The following COL6A3 variants were observed in gnomAD, a reference collection of about 807,000 sequenced individuals.
COL6A3 encodes the protein collagen alpha-3(VI) chain.
A neutral mutation model predicts 274.1 loss-of-function variants in COL6A3; 137 were observed. The ratio of observed to expected loss-of-function variants is 0.50; its 90% CI spans 0.44 to 0.58. COL6A3 has a LOEUF of 0.58. Among genes scored for constraint, COL6A3 ranks in the 20% least tolerant of loss-of-function variants. COL6A3 has a pLI of 0.00. For missense variants in COL6A3, 3,950 were observed against 4,124.9 expected (o/e 0.96, Z 1.16); for synonymous variants, 1,650 against 1,650.6 (o/e 1.00, Z 0.01).
intron 39 of COL6A3, among the ~76,000 whole-genome samples, chr2:237,337,212 G>A (rs538799048): frequency 6.6e-6 from 1 of 152,236 alleles, no homozygotes; most frequent in Non-Finnish European, 1.5e-5. Context: ...GTCCTAGGAA[G>A]TATTAATATA....
intron 31 of COL6A3, 25 bp from the exon 32 acceptor site, chr2:237,346,590 T>C: frequency 6.2e-7 from 1 of 1,605,506 alleles, no homozygotes; most frequent in East Asian, 2.2e-5. Flanking sequence ...ACAAACATTG[T>C]TCAACTGTGT....
Position 237,361,836 on chromosome 2 carries a change from C to G in COL6A3, c.6064-5G>C, listed in dbSNP as rs794729206. The G allele has an allele frequency of 1.9e-6, 3 of 1,613,584 alleles. No homozygotes were observed. The East Asian group carries it at 6.7e-5, about 36-fold the overall frequency. Reference sequence around the variant, plus strand: ...AGCTTTCTCGGCAATGTTGTCCTACCGAAAGGAAGAGAAACCAAATGTTCA... The same window carrying G: ...AGCTTTCTCGGCAATGTTGTCCTACGGAAAGGAAGAGAAACCAAATGTTCA... On this transcript the variant is annotated splice_polypyrimidine_tract_variant and splice_region_variant and intron_variant, in intron 14 of 43. Transcript: ENST00000295550. This position sits in a 1 kb window ranked among gnomAD's most constrained non-coding sequence, Gnocchi z 5.1.
chr2:237,385,030 G>A (rs2078110581), intron 4 of COL6A3, among the ~76,000 whole-genome samples: 1 of 151,980 alleles, frequency 6.6e-6, no homozygotes, highest in Non-Finnish European at 1.5e-5. Context: ...CCTGCTCTCC[G>A]CATGCTCATC....
intron 5 of COL6A3, 143 bp from the exon 6 acceptor site, chr2:237,379,378 T>C (rs751357184): frequency 4.1e-5 from 43 of 1,039,216 alleles, no homozygotes; most frequent in Non-Finnish European, 5.5e-5. Context: ...TTGTAAAATA[T>C]GGCAGATGGC....
chr2:237,336,656 TG>T, intron 39 of COL6A3, 124 bp from the exon 40 acceptor site: 1 of 898,942 alleles, frequency 1.1e-6, no homozygotes, highest in Non-Finnish European at 1.7e-6. Flanking sequence ...TTATAGATTA[TG>T]TATAGCAGTG....
At chr2:237,351,666 G>A (rs2077209049) in intron 26 of COL6A3, among the ~76,000 whole-genome samples, 1 of 152,204 alleles carries the variant, frequency 6.6e-6, no homozygotes, top group Admixed American at 6.5e-5. Context: ...AAAAGAGATG[G>A]TGAAAAAGTG....
chr2:237,372,935 C>A (rs1164554214), intron 8 of COL6A3, among the ~76,000 whole-genome samples: 1 of 152,144 alleles, frequency 6.6e-6, no homozygotes, highest in Non-Finnish European at 1.5e-5. Flanking sequence ...GCAGATGGTG[C>A]CACTGAGCAG....
intron 4 of COL6A3, among the ~76,000 whole-genome samples, chr2:237,383,802 C>G (rs1441018706): frequency 2.0e-5 from 3 of 152,066 alleles, no homozygotes; most frequent in Non-Finnish European, 4.4e-5. Flanking sequence ...TTCCCTCCCC[C>G]TACCACTGCA....
At chr2:237,360,025 C>G in intron 17 of COL6A3, 63 bp downstream of exon 17, 1 of 1,547,010 alleles carries the variant, frequency 6.5e-7, no homozygotes, top group Non-Finnish European at 8.9e-7. Flanking sequence ...CTGGCAGCAT[C>G]TGGAGAAACT....
At chr2:237,397,720 G>C (rs550576061) in intron 1 of COL6A3, among the ~76,000 whole-genome samples, 1 of 152,282 alleles carries the variant, frequency 6.6e-6, no homozygotes, top group Admixed American at 6.5e-5. Flanking sequence ...ATTCATAGTA[G>C]TTTCTCCACA....
In COL6A3 at chr2:237,348,370, G is replaced by A. The variant is rs2646265; in HGVS notation, c.6945C>T (p.Phe2315=). The A allele has an allele frequency of 0.1, 168,222 of 1,603,108 alleles. 9,309 individuals carry two copies. The highest frequency in any genetic ancestry group is 0.17 in the Admixed American group (10,129 of 59,978). ...TTACCTTTGGTCCTGGGTATCCAGGGAATCCTCTTTCTCCCTATAAAGGAA... is the reference window on the plus strand; with the variant it reads ...TTACCTTTGGTCCTGGGTATCCAGGAAATCCTCTTTCTCCCTATAAAGGAA... ...GRRGKKGERG[F]PGYPGPKGNP... is the part of the protein sequence containing the mutation. Residue 2315 remains phenylalanine, a synonymous_variant, in exon 30 of 44, where the codon TTC becomes TTT. Coordinates refer to ENST00000295550, the MANE Select transcript of COL6A3 (RefSeq NM_004369.4).
At position 237,379,058 on chromosome 2, in the gene COL6A3, G is replaced by A. The variant is rs1253759319; in HGVS notation, c.2075C>T (p.Ser692Phe). 3.1e-6 allele frequency: 5 copies of A among 1,614,214 alleles called. No homozygotes were observed. Among genetic ancestry groups the A allele is most frequent in the Non-Finnish European group, 3.4e-6 (4 of 1,180,036 alleles). Reference sequence around the variant, plus strand: ...TGACTTGGTCTGGTATGTGTTTAAAGAGAACTCCGTTACAGGAGTGTCACT... The same window carrying A: ...TGACTTGGTCTGGTATGTGTTTAAAAAGAACTCCGTTACAGGAGTGTCACT... ...QFSDTPVTEF[S>F]LNTYQTKSDI... Residue 692 changes from serine (S) to phenylalanine (F), a missense_variant, in exon 6 of 44, where the codon TCT becomes TTT. Physicochemically the swap from Ser to Phe is radical, Grantham distance 155 (BLOSUM62 -2). Around this residue, in one of 5 missense-constraint regions of COL6A3, gnomAD observed 1,934 missense variants for 1,984.3 expected, o/e 0.97. Transcript: ENST00000295550.
rs1384143694 is a variant in COL6A3, at chr2:237,335,263, T to C, written c.8966-374A>G. Among the ~76,000 whole-genome samples the C allele has an allele frequency of 3.9e-5, 6 of 152,214 alleles. No individual in the cohort carries two copies. The East Asian group carries it at 1.2e-3, about 29-fold the overall frequency. ...AAAATTTTAGGGTATGACATGAAAT[T>C]CTTTTAAAGGAATTCTGCTTTCTCT... On this transcript the variant is annotated intron_variant, in intron 40 of 43. Coordinates refer to ENST00000295550, the MANE Select transcript of COL6A3 (RefSeq NM_004369.4).
intron 37 of COL6A3, among the ~76,000 whole-genome samples, chr2:237,341,589 A>G (rs2076992044): frequency 6.6e-6 from 1 of 150,392 alleles, no homozygotes; most frequent in African/African-American, 2.4e-5. Flanking sequence ...ACCAAAACCA[A>G]TTTATATCTT....
At chr2:237,370,258 A>G (rs1339307262) in intron 9 of COL6A3, among the ~76,000 whole-genome samples, 7 of 125,196 alleles carry the variant, frequency 5.6e-5, no homozygotes, top group Non-Finnish European at 1.2e-4. Flanking sequence ...TTTTTTTTTT[A>G]GATGGAGTCT....
At chr2:237,385,438 C>T (rs2078120547) in intron 4 of COL6A3, among the ~76,000 whole-genome samples, 1 of 152,228 alleles carries the variant, frequency 6.6e-6, no homozygotes, top group African/African-American at 2.4e-5. Context: ...GTTGAAACTT[C>T]TCCTGGTACA....
In COL6A3 at chr2:237,336,441, T is replaced by A. The variant is rs1373824728; in HGVS notation, c.8659A>T (p.Thr2887Ser). 6.2e-7 allele frequency: 1 copy of A among 1,614,112 alleles called. No homozygotes were observed. The highest frequency in any genetic ancestry group is 1.3e-5 in the African/African-American group (1 of 74,938). ...VTTTKPVTTT[T>S]KPVTTTTKPV... is the part of the protein sequence containing the mutation. ...TTTGTTGTGGTGGTTACAGGCTTTG[T>A]TGTGGTGGTCACCGGCTTCGTCGTA... Residue 2887 changes from threonine to serine, a missense_variant, in exon 40 of 44, where the codon ACA becomes TCA. By Grantham distance (58) the Thr-to-Ser change is moderately conservative. Around this residue, in one of 5 missense-constraint regions of COL6A3, gnomAD observed 1,284 missense variants for 1,349.7 expected, o/e 0.95. Coordinates refer to ENST00000295550, the MANE Select transcript of COL6A3 (RefSeq NM_004369.4).
At position 237,348,390 on chromosome 2, in the gene COL6A3, A is replaced by G. The variant is rs376338674; in HGVS notation, c.6931-6T>C. 47 of 1,592,000 alleles carry G rather than the reference A, an allele frequency of 3.0e-5. No individual in the cohort carries two copies. Among genetic ancestry groups the G allele is most frequent in the Admixed American group, 3.3e-5 (2 of 59,966 alleles). ...CCAGGGAATCCTCTTTCTCCCTATA[A>G]AGGAAAAATAGATTATTTAATACTT... On this transcript the variant is annotated splice_polypyrimidine_tract_variant and splice_region_variant and intron_variant, in intron 29 of 43. Coordinates refer to ENST00000295550, the MANE Select transcript of COL6A3 (RefSeq NM_004369.4).
At chr2:237,325,765 G>A in intron 42 of COL6A3, 41 bp from the exon 43 acceptor site, 1 of 1,574,076 alleles carries the variant, frequency 6.4e-7, no homozygotes, top group Non-Finnish European at 8.7e-7. Context: ...ATGAGAACAT[G>A]CGTGTTACTC....
Sources: allele counts gnomAD v4.1 joint callset (sites outside exome capture counted in the v4.1 genomes callset), GRCh38; gene constraint gnomAD v4.1.1; regional missense constraint gnomAD v4.1.1; non-coding constraint Gnocchi (gnomAD v3.1); transcripts MANE v1.5; gene names NCBI Gene and HGNC (gene_info 2026-07-23, HGNC 2026-07-21).